Variants in NRG1 observed in about 807,000 individuals in gnomAD.
The protein encoded by NRG1 is pro-neuregulin-1, membrane-bound isoform.
NRG1 carries 18 observed loss-of-function variants against 63.8 expected under a neutral mutation model. The observed-to-expected ratio is 0.28, with a 90% CI of 0.19 to 0.42. NRG1 has a LOEUF of 0.42. Ranked by LOEUF, NRG1 falls within the 10% of genes least tolerant of loss-of-function variation. The pLI is 1.00. For missense variants in NRG1, 762 were observed against 814.7 expected, an observed-to-expected ratio of 0.94 and a Z score of 0.79; for synonymous variants, 302 against 301.3, an observed-to-expected ratio of 1.00 and a Z score of -0.02.
At chr8:32,361,224 C>T (rs980667703) in intron 1 of NRG1, among the ~76,000 whole-genome samples, 2 of 152,084 alleles carry the variant, frequency 1.3e-5, no homozygotes, top group African/African-American at 2.4e-5. Context: ...TAGAGACACA[C>T]CCTGAACAAG....
chr8:31,976,324 G>A (rs1217106846), intron 1 of NRG1, among the ~76,000 whole-genome samples: 1 of 151,838 alleles, frequency 6.6e-6, no homozygotes, highest in Non-Finnish European at 1.5e-5. Context: ...ACGCATTCTG[G>A]GTCTCCCTTC....
intron 1 of NRG1, among the ~76,000 whole-genome samples, chr8:32,323,537 C>T (rs1166471929): frequency 2.6e-5 from 4 of 152,200 alleles, no homozygotes; most frequent in Non-Finnish European, 5.9e-5. Flanking sequence ...TCCCTTGGAA[C>T]AGAAGCCAGC....
chr8:32,642,545 A>C (rs1463474452), intron 5 of NRG1, among the ~76,000 whole-genome samples: 1 of 152,222 alleles, frequency 6.6e-6, no homozygotes, highest in African/African-American at 2.4e-5. Context: ...TTTATCCTCC[A>C]GAGAAGCTGC....
chr8:31,739,898 C>T (rs1815091018), intron 1 of NRG1, among the ~76,000 whole-genome samples: 1 of 152,024 alleles, frequency 6.6e-6, no homozygotes, highest in African/African-American at 2.4e-5. Context: ...CTTTCCTCGA[C>T]CTTTTGATGA....
chr8:31,640,716 G>A lies in NRG1; in HGVS notation c.37+1285G>A. On this transcript the variant is annotated intron_variant, in intron 1 of 10. Transcript: ENST00000519301. This position sits in a 1 kb window ranked among gnomAD's most constrained non-coding sequence, Gnocchi z 6.3. The stretch of plus-strand genomic sequence containing the variant: ...TCAAGAAGGAGGTCAGCCGGGTGCT[G>A]TGCAAGCGGTGCGGTAAGTTCCTCG... 1.3e-6 allele frequency: 2 copies of A among 1,589,798 alleles called. No individual in the cohort carries two copies. Among genetic ancestry groups the A allele is most frequent in the Middle Eastern group, 1.8e-4 (1 of 5,500 alleles).
intron 1 of NRG1, among the ~76,000 whole-genome samples, chr8:32,569,699 G>T (rs935900492): frequency 6.6e-6 from 1 of 151,630 alleles, no homozygotes; most frequent in Non-Finnish European, 1.5e-5. Context: ...ATACAGGCTT[G>T]TATAGAAATC....
intron 1 of NRG1, among the ~76,000 whole-genome samples, chr8:32,460,428 C>A (rs924209800): frequency 2.6e-5 from 4 of 152,172 alleles, no homozygotes; most frequent in Admixed American, 1.3e-4. Flanking sequence ...CTGGGAAAGG[C>A]TCTTAAGTAC....
At chr8:32,323,724 G>C (rs1801682951) in intron 1 of NRG1, among the ~76,000 whole-genome samples, 1 of 152,108 alleles carries the variant, frequency 6.6e-6, no homozygotes, top group Non-Finnish European at 1.5e-5. Context: ...CTCTAATCTA[G>C]AATTCTCAGT....
intron 1 of NRG1, among the ~76,000 whole-genome samples, chr8:31,796,765 C>T (rs1057156408): frequency 1.3e-5 from 2 of 152,038 alleles, no homozygotes; most frequent in African/African-American, 4.8e-5. Context: ...CTTAACTGTC[C>T]TTTTGTAGTT....
intron 6 of NRG1, among the ~76,000 whole-genome samples, chr8:32,732,261 C>T (rs1823877619): frequency 6.6e-6 from 1 of 152,014 alleles, no homozygotes; most frequent in South Asian, 2.1e-4. Context: ...CATTTTGTAC[C>T]CTCTGATGCT....
At chr8:31,725,193 C>A (rs778410052) in intron 1 of NRG1, among the ~76,000 whole-genome samples, 6 of 152,126 alleles carry the variant, frequency 3.9e-5, no homozygotes, top group African/African-American at 1.4e-4. Flanking sequence ...CAGGTGACTG[C>A]CTCACTATGA....
At chr8:32,688,217 C>T (rs578170628) in intron 5 of NRG1, among the ~76,000 whole-genome samples, 1 of 152,152 alleles carries the variant, frequency 6.6e-6, no homozygotes, top group Admixed American at 6.6e-5. Context: ...GACTAACATA[C>T]GTACGAAACA....
chr8:32,518,433 G>A (rs1284030307), intron 1 of NRG1, among the ~76,000 whole-genome samples: 1 of 152,136 alleles, frequency 6.6e-6, no homozygotes, highest in Non-Finnish European at 1.5e-5. Flanking sequence ...AATTGTGTGG[G>A]TGACAAACTG....
chr8:32,682,822 A>C (rs1809043060), intron 5 of NRG1, among the ~76,000 whole-genome samples: 1 of 152,200 alleles, frequency 6.6e-6, no homozygotes, highest in Admixed American at 6.5e-5. Context: ...GTTTAGAGTA[A>C]GAAATATGCA....
intron 1 of NRG1, among the ~76,000 whole-genome samples, chr8:32,451,592 GAC>G (rs1488303904): frequency 1.3e-5 from 2 of 152,262 alleles, no homozygotes; most frequent in Admixed American, 1.3e-4. Context: ...GAAATTCAAG[GAC>G]ACAACTGCTC....
chr8:32,706,621 T>G (rs1188352012), intron 5 of NRG1, among the ~76,000 whole-genome samples: 1 of 152,096 alleles, frequency 6.6e-6, no homozygotes, highest in South Asian at 2.1e-4. Context: ...ACATTTGTTT[T>G]AAGGAATATT....
chr8:32,759,561 A>C lies in NRG1; in HGVS notation c.1052+125A>C, dbSNP rs1589636681. ...GGTCTTTGGGCAGCAACAGATTTTG[A>C]AAATCAACTGGCTTTGCCCTTAATT... On this transcript the variant is annotated intron_variant, in intron 10 of 11. Coordinates refer to ENST00000356819, the Ensembl canonical transcript of NRG1. The C allele has an allele frequency of 5.1e-6, 6 of 1,184,396 alleles. No individual in the cohort carries two copies. The East Asian group carries it at 1.3e-4, about 25-fold the overall frequency. The allele number at this position is 1,184,396 out of a possible 1,614,324, so 73.4% of individuals were successfully genotyped here. A position where few individuals can be genotyped will look rare whatever the true frequency, so the allele number is the denominator to read the frequency against.
chr8:31,884,882 T>G (rs1373733894), intron 1 of NRG1, among the ~76,000 whole-genome samples: 1 of 152,074 alleles, frequency 6.6e-6, no homozygotes, highest in Non-Finnish European at 1.5e-5. Context: ...CAAGAATTGC[T>G]AAAAGAAAGG....
intron 1 of NRG1, among the ~76,000 whole-genome samples, chr8:32,065,720 C>G (rs4596611): frequency 6.6e-6 from 1 of 151,898 alleles, no homozygotes; most frequent in Non-Finnish European, 1.5e-5. Context: ...ATTGCTGGGT[C>G]AAATGGTATT....
Sources: allele counts gnomAD v4.1 joint callset (sites outside exome capture counted in the v4.1 genomes callset), GRCh38; gene constraint gnomAD v4.1.1; non-coding constraint Gnocchi (gnomAD v3.1); transcripts MANE v1.5; gene names NCBI Gene and HGNC (gene_info 2026-07-23, HGNC 2026-07-21).